Variants in NMNAT3 observed in about 807,000 individuals in gnomAD.
The protein encoded by NMNAT3 is nicotinamide nucleotide adenylyltransferase 3, also known as nicotinamide/nicotinic acid mononucleotide adenylyltransferase 3.
Under a neutral mutation model 24.8 loss-of-function variants are expected in NMNAT3, and 21 were observed. The ratio of observed to expected loss-of-function variants is 0.85; its 90% confidence interval spans 0.60 to 1.22. The LOEUF (loss-of-function observed/expected upper bound fraction) is 1.22. Ranked by LOEUF, NMNAT3 falls within the 50% of genes most tolerant of loss-of-function variation. The pLI, the probability that NMNAT3 is intolerant of heterozygous loss-of-function variation, is 0.00. For synonymous variants in NMNAT3, 136 were observed against 155.2 expected, an observed-to-expected ratio of 0.88 and a Z score of 0.92; for missense variants, 387 against 436.6, an observed-to-expected ratio of 0.89 and a Z score of 1.01.
At chr3:139,590,992 C>A (rs566204775) in intron 3 of NMNAT3, among the ~76,000 whole-genome samples, 1 of 151,742 alleles carries the variant, frequency 6.6e-6, no homozygotes, top group African/African-American at 2.4e-5. Context: ...GGAACAGCTC[C>A]GGTCTACAGC....
chr3:139,617,871 A>G (rs2055582653), intron 3 of NMNAT3, among the ~76,000 whole-genome samples: 1 of 152,262 alleles, frequency 6.6e-6, no homozygotes, highest in South Asian at 2.1e-4. Context: ...GCAGGCTTAA[A>G]TTCTTAAATA....
chr3:139,581,426 G>A (rs2053608627), intron 4 of NMNAT3, among the ~76,000 whole-genome samples: 1 of 151,812 alleles, frequency 6.6e-6, no homozygotes, highest in Admixed American at 6.6e-5. Flanking sequence ...GTAGAAAATG[G>A]GAAACAAGTA....
At chr3:139,657,638 G>A (rs1369115593) in intron 1 of NMNAT3, among the ~76,000 whole-genome samples, 1 of 152,022 alleles carries the variant, frequency 6.6e-6, no homozygotes, top group Non-Finnish European at 1.5e-5. Context: ...TGCAGGATAG[G>A]CCTATAGGTG....
intron 1 of NMNAT3, among the ~76,000 whole-genome samples, chr3:139,645,778 T>C (rs2108370284): frequency 6.6e-6 from 1 of 152,240 alleles, no homozygotes; most frequent in Middle Eastern, 3.4e-3. Flanking sequence ...ACATTGTTGC[T>C]CTCAACAAAA....
intron 1 of NMNAT3, among the ~76,000 whole-genome samples, chr3:139,674,626 C>T (rs536012017): frequency 1.3e-5 from 2 of 152,254 alleles, no homozygotes; most frequent in East Asian, 3.9e-4. Flanking sequence ...TAAAATTTCA[C>T]TTAGTCAAGT....
chr3:139,662,589 G>C (rs1432238691), intron 1 of NMNAT3, among the ~76,000 whole-genome samples: 6 of 152,290 alleles, frequency 3.9e-5, no homozygotes, highest in Non-Finnish European at 7.4e-5. Flanking sequence ...AGTCCTCAAG[G>C]TGGGCTCCTA....
chr3:139,593,716 G>C (rs1278150439), intron 3 of NMNAT3, among the ~76,000 whole-genome samples: 1 of 148,346 alleles, frequency 6.7e-6, no homozygotes, highest in Non-Finnish European at 1.5e-5. Context: ...TGACTACTGG[G>C]TACATAACGA....
intron 3 of NMNAT3, among the ~76,000 whole-genome samples, chr3:139,607,467 G>C (rs1022133831): frequency 2.0e-5 from 3 of 152,196 alleles, no homozygotes; most frequent in African/African-American, 7.2e-5. Context: ...AACAGGACTT[G>C]TGTACACCTT....
At chr3:139,615,460 T>TATCTATCC (rs748766151) in intron 3 of NMNAT3, among the ~76,000 whole-genome samples, 210 of 146,530 alleles carry the variant, frequency 1.4e-3, no homozygotes, top group Non-Finnish European at 2.2e-3. Flanking sequence ...TCTATCTATC[T>TATCTATCC]ATCCATCCAC....
rs1373449434 is a variant in NMNAT3, at chr3:139,575,969, G to C, written c.576-2289C>G. ...TTTGTGTGTGACCGTGATTAACGTAGCCTCTCTGAGCCTCAGTTTCTTTAT... is the reference window on the plus strand; with the variant it reads ...TTTGTGTGTGACCGTGATTAACGTACCCTCTCTGAGCCTCAGTTTCTTTAT... On this transcript the variant is annotated intron_variant, in intron 5 of 6. Transcript: ENST00000643695. 2.3e-6 allele frequency: 3 copies of C among 1,287,812 alleles called. No individual in the cohort carries two copies. The East Asian group carries it at 1.7e-4, about 71-fold the overall frequency. 79.8% of individuals were successfully genotyped at this position (1,287,812 alleles called of 1,614,324 possible).
chr3:139,648,846 C>T (rs2056959912), intron 1 of NMNAT3, among the ~76,000 whole-genome samples: 2 of 152,108 alleles, frequency 1.3e-5, no homozygotes, highest in Non-Finnish European at 2.9e-5. Context: ...TGAGTAAATA[C>T]TGGTAAAAAA....
In NMNAT3 at chr3:139,667,855, G is replaced by T. The variant is rs1368907666; in HGVS notation, c.-141+9850C>A. Among the ~76,000 whole-genome samples the T allele has an allele frequency of 3.3e-5, 5 of 152,198 alleles. 1 individual carries two copies. On this transcript the variant is annotated intron_variant, in intron 1 of 6. Transcript: ENST00000643695. Reference sequence around the variant, plus strand: ...TCTGAGAGGGGCAAGTATTTAGTCAGCCTTGTGCAAAAGGAAATAGTCTAG... The same window carrying T: ...TCTGAGAGGGGCAAGTATTTAGTCATCCTTGTGCAAAAGGAAATAGTCTAG...
At position 139,634,607 on chromosome 3, in the gene NMNAT3, A is replaced by G. The variant is rs1293123939; in HGVS notation, c.-41+3356T>C. 6.6e-6 allele frequency: 1 copy of G among 152,200 alleles called. No homozygotes were observed. Among genetic ancestry groups the G allele is most frequent in the African/African-American group, 2.4e-5 (1 of 41,456 alleles). The allele number at this position is 152,200 out of a possible 1,614,324, so 9.4% of individuals were successfully genotyped here. Reference sequence around the variant, plus strand: ...ATGCTGCTAAAAACAAAAGCAAAGCATACCTTCCTTGTCGGTGTAAGGATC... The same window carrying G: ...ATGCTGCTAAAAACAAAAGCAAAGCGTACCTTCCTTGTCGGTGTAAGGATC... On this transcript the variant is annotated intron_variant, in intron 2 of 6. Transcript: ENST00000643695.
At chr3:139,612,614 C>A (rs1440271111) in intron 3 of NMNAT3, among the ~76,000 whole-genome samples, 1 of 152,184 alleles carries the variant, frequency 6.6e-6, no homozygotes, top group East Asian at 1.9e-4. Flanking sequence ...AGTCCTATCA[C>A]TGGATGAGGA....
At chr3:139,648,474 A>G (rs1315649893) in intron 1 of NMNAT3, among the ~76,000 whole-genome samples, 8 of 152,242 alleles carry the variant, frequency 5.3e-5, no homozygotes, top group African/African-American at 1.9e-4. Context: ...GGCATGAGAA[A>G]AAAATGCTTA....
At chr3:139,659,654 G>A (rs1053474949) in intron 1 of NMNAT3, among the ~76,000 whole-genome samples, 7 of 152,242 alleles carry the variant, frequency 4.6e-5, no homozygotes, top group Admixed American at 2.0e-4. Flanking sequence ...TGTTTGAGGT[G>A]TGGGAAACAT....
At chr3:139,636,771 G>A (rs1005523305) in intron 2 of NMNAT3, 13 of 152,294 alleles carry the variant, frequency 8.5e-5, no homozygotes, top group African/African-American at 2.9e-4. Flanking sequence ...TTTTAGCAAT[G>A]TTATGAGTGT....
chr3:139,656,096 C>G lies in NMNAT3; in HGVS notation c.-140-18034G>C, dbSNP rs1005762744. ...GCATCACAATCTCTCCTAAACAAGA[C>G]TGTCTGGCTGCCTTTCTGCCCTGGT... On this transcript the variant is annotated intron_variant, in intron 1 of 6. Transcript: ENST00000643695. Among the ~76,000 whole-genome samples, 3 of 152,242 alleles carry G rather than the reference C, an allele frequency of 2.0e-5. No individual in the cohort carries two copies. In the South Asian group the frequency reaches 6.2e-4, roughly 32 times the overall value.
chr3:139,656,974 C>T lies in NMNAT3; in HGVS notation c.-140-18912G>A, dbSNP rs116297784. Among the ~76,000 whole-genome samples, 401 of 152,336 alleles carry T rather than the reference C, an allele frequency of 2.6e-3. 1 individual carries two copies. Among genetic ancestry groups the T allele is most frequent in the African/African-American group, 9.4e-3 (392 of 41,582 alleles). On this transcript the variant is annotated intron_variant, in intron 1 of 6. Coordinates refer to ENST00000643695, the MANE Select transcript of NMNAT3 (RefSeq NM_001320510.2). The stretch of plus-strand genomic sequence containing the variant: ...TTAGGCCTACTAACTCATATTTTGG[C>T]AGTACCTATACTGTACCTGTAACTA...
Sources: gnomAD v4.1 joint callset for allele counts (sites outside exome capture counted in the v4.1 genomes callset) on GRCh38, gnomAD v4.1.1 for gene constraint, MANE v1.5 for transcripts, NCBI Gene and HGNC (gene_info 2026-07-23, HGNC 2026-07-21) for gene names.